NCAM1: variants seen among roughly 807,000 people sequenced by gnomAD.
NCAM1 encodes antigen recognized by monoclonal antibody 5.1H11.
NCAM1 carries 14 observed loss-of-function variants against 109.8 expected under a neutral mutation model. That is an observed-to-expected ratio of 0.13 (90% CI 0.08 to 0.20). The LOEUF (loss-of-function observed/expected upper bound fraction) is 0.20, where lower values mean the gene tolerates loss of function less well. NCAM1 is among the 10% of genes least tolerant of loss of function. The probability of loss-of-function intolerance (pLI) is 1.00; values close to 1 mark genes in which losing one functional copy is unlikely to be tolerated. For synonymous variants in NCAM1, 418 were observed against 442.9 expected, an observed-to-expected ratio of 0.94 and a Z score of 0.70; for missense variants, 774 against 1,109.9, an observed-to-expected ratio of 0.70 and a Z score of 4.30.
intron 1 of NCAM1, among the ~76,000 whole-genome samples, chr11:112,998,070 A>G (rs1259294379): frequency 6.6e-6 from 1 of 152,184 alleles, no homozygotes; most frequent in Non-Finnish European, 1.5e-5. Context: ...TCCTGGAGTT[A>G]CTAAATGCTA....
At chr11:113,009,056 A>G (rs1248766169) in intron 1 of NCAM1, among the ~76,000 whole-genome samples, 1 of 152,160 alleles carries the variant, frequency 6.6e-6, no homozygotes, top group African/African-American at 2.4e-5. Flanking sequence ...TTTGCTATTC[A>G]TGGAGAATGT....
At chr11:113,041,145 T>C (rs1402373124) in intron 1 of NCAM1, 2 of 152,206 alleles carry the variant, frequency 1.3e-5, no homozygotes, top group African/African-American at 4.8e-5. Flanking sequence ...CTTAAAATAT[T>C]TTATAAAACA....
Position 113,201,049 on chromosome 11 carries a change from C to A in NCAM1, c.53-1330C>A, listed in dbSNP as rs181041256. On this transcript the variant is annotated intron_variant, in intron 1 of 19. Coordinates refer to ENST00000316851, the MANE Select transcript of NCAM1 (RefSeq NM_181351.5). ...CCAGGGCCCCATTTCTCCCCTTATG[C>A]CCTCCTCCTTCCCTTTTCCATCCCT... 7.2e-5 allele frequency among the ~76,000 whole-genome samples: 11 copies of A among 152,254 alleles called. No individual in the cohort carries two copies. The East Asian group carries it at 2.1e-3, about 29-fold the overall frequency.
intron 1 of NCAM1, among the ~76,000 whole-genome samples, chr11:112,966,597 C>T (rs1001077307): frequency 6.6e-6 from 1 of 152,186 alleles, no homozygotes. Flanking sequence ...GTTATTAACT[C>T]TTGGGGCCAA....
At chr11:112,981,413 T>C (rs1432254869) in intron 1 of NCAM1, among the ~76,000 whole-genome samples, 1 of 151,972 alleles carries the variant, frequency 6.6e-6, no homozygotes, top group East Asian at 1.9e-4. Context: ...AAATAAAATA[T>C]TAATTAGATA....
At chr11:113,180,763 A>G (rs118162901) in intron 1 of NCAM1, among the ~76,000 whole-genome samples, 2,060 of 152,332 alleles carry the variant, frequency 0.014, 22 homozygotes, top group Non-Finnish European at 0.019. Context: ...GGAGCAGAAT[A>G]AATCCAGCTC....
chr11:112,965,038 A>G (rs920751553), intron 1 of NCAM1, among the ~76,000 whole-genome samples: 1 of 151,838 alleles, frequency 6.6e-6, no homozygotes, highest in African/African-American at 2.4e-5. Context: ...TAAATTGTTG[A>G]ACCTGATAAC....
At chr11:113,252,799 C>CTTTTTTTTTTTTTTT (rs33948720) in intron 15 of NCAM1, among the ~76,000 whole-genome samples, 1 of 39,706 alleles carries the variant, frequency 2.5e-5, no homozygotes, top group Non-Finnish European at 4.3e-5. Flanking sequence ...CTATGCCCAG[C>CTTTTTTTTTTTTTTT]TTTTTTTTTT....
chr11:113,141,057 A>G lies in NCAM1; in HGVS notation c.53-61322A>G, dbSNP rs797041629. Among the ~76,000 whole-genome samples, 8 of 152,084 alleles carry G rather than the reference A, an allele frequency of 5.3e-5. No homozygotes were observed. The South Asian group carries it at 1.7e-3, about 31-fold the overall frequency. On this transcript the variant is annotated intron_variant, in intron 1 of 19. Transcript: ENST00000316851. ...TCATTATTAGTATTATCTTCAATAC[A>G]CTATGTTTTTGTGGGAATCTTTTTT...
At chr11:113,201,233 C>A (rs1445795917) in intron 1 of NCAM1, among the ~76,000 whole-genome samples, 2 of 152,142 alleles carry the variant, frequency 1.3e-5, no homozygotes, top group African/African-American at 4.8e-5. Flanking sequence ...TGTAGTCTCT[C>A]CATCAAATAA....
rs868979114 is a variant in NCAM1 at position 113,079,317 on chromosome 11, G to A, written c.52+117653G>A. 5.6e-4 allele frequency among the ~76,000 whole-genome samples: 85 copies of A among 152,330 alleles called. 1 individual carries two copies. Among genetic ancestry groups the A allele is most frequent in the African/African-American group, 2.0e-3 (83 of 41,572 alleles). On this transcript the variant is annotated intron_variant, in intron 1 of 19. Coordinates refer to ENST00000316851, the MANE Select transcript of NCAM1 (RefSeq NM_181351.5). ...AGAGTAAGGGACTTGTCTAGAGTCAGTCCACTGGTAAGTTGTAGAGTAAGC... is the reference window on the plus strand; with the variant it reads ...AGAGTAAGGGACTTGTCTAGAGTCAATCCACTGGTAAGTTGTAGAGTAAGC...
At chr11:113,090,119 A>G (rs1413307808) in intron 1 of NCAM1, among the ~76,000 whole-genome samples, 1 of 152,328 alleles carries the variant, frequency 6.6e-6, no homozygotes, top group East Asian at 1.9e-4. Context: ...CATAATCTCA[A>G]CTAGTAATTA....
At chr11:113,070,275 G>A (rs1276280242) in intron 1 of NCAM1, among the ~76,000 whole-genome samples, 3 of 152,144 alleles carry the variant, frequency 2.0e-5, no homozygotes, top group African/African-American at 7.2e-5. Context: ...AATAGCCAGG[G>A]AGGTGAAAGA....
intron 1 of NCAM1, among the ~76,000 whole-genome samples, chr11:113,193,506 C>T (rs978534864): frequency 1.3e-5 from 2 of 151,966 alleles, no homozygotes; most frequent in East Asian, 3.9e-4. Flanking sequence ...ATTAGCAGGG[C>T]ATGCTAATTG....
At chr11:113,151,474 G>C (rs1384158914) in intron 1 of NCAM1, among the ~76,000 whole-genome samples, 2 of 152,164 alleles carry the variant, frequency 1.3e-5, no homozygotes, top group Non-Finnish European at 2.9e-5. Flanking sequence ...AATTAGATAT[G>C]GTCAGGAGAC....
intron 1 of NCAM1, among the ~76,000 whole-genome samples, chr11:113,127,605 G>A (rs1941229213): frequency 6.6e-6 from 1 of 152,218 alleles, no homozygotes; most frequent in Admixed American, 6.5e-5. Context: ...TGGTTAAGTA[G>A]TGGTGAGAGG....
chr11:113,188,830 T>TGTGA (rs1464565813), intron 1 of NCAM1, among the ~76,000 whole-genome samples: 2 of 151,232 alleles, frequency 1.3e-5, no homozygotes, highest in Non-Finnish European at 2.9e-5. Context: ...TGTGTGTGAG[T>TGTGA]GTGAGTGTGT....
intron 1 of NCAM1, among the ~76,000 whole-genome samples, chr11:113,119,427 T>G (rs1565447451): frequency 2.0e-5 from 3 of 152,156 alleles, no homozygotes; most frequent in Admixed American, 1.3e-4. Context: ...CTGGAAGCCC[T>G]CATGTCATCT....
intron 1 of NCAM1, among the ~76,000 whole-genome samples, chr11:113,091,744 C>A (rs782484158): frequency 3.5e-4 from 54 of 152,132 alleles, no homozygotes; most frequent in Non-Finnish European, 1.3e-4. Context: ...GGCTTATAGC[C>A]CCACTTCATG....
Sources: allele counts gnomAD v4.1 joint callset (sites outside exome capture counted in the v4.1 genomes callset), GRCh38; gene constraint gnomAD v4.1.1; transcripts MANE v1.5; gene names NCBI Gene and HGNC (gene_info 2026-07-23, HGNC 2026-07-21).